Variants in OSBPL8 observed in about 807,000 individuals in gnomAD.
OSBPL8 encodes the protein oxysterol-binding protein-related protein 8.
Under a neutral mutation model 125.5 loss-of-function variants are expected in OSBPL8, and 59 were observed. That is an observed-to-expected ratio of 0.47 (90% CI 0.38 to 0.58). The LOEUF is 0.58. OSBPL8 is among the 20% of genes least tolerant of loss of function. The pLI, the probability that OSBPL8 is intolerant of heterozygous loss-of-function variation, is 0.00. For synonymous variants in OSBPL8, 330 were observed against 338.9 expected (o/e 0.97, Z 0.29); for missense variants, 758 against 1,047.8 (o/e 0.72, Z 3.82).
chr12:76,487,453 C>A, intron 2 of OSBPL8, 57 bp downstream of exon 2: 1 of 1,442,530 alleles, frequency 6.9e-7, no homozygotes, highest in Non-Finnish European at 9.4e-7. Context: ...CCCTAGCTTA[C>A]ATCAAACACT....
chr12:76,472,265 G>A (rs1045865553), intron 2 of OSBPL8, among the ~76,000 whole-genome samples: 1 of 152,054 alleles, frequency 6.6e-6, no homozygotes, highest in African/African-American at 2.4e-5. Context: ...ATGTAAAATT[G>A]GTCTTTAGTA....
rs571162694 is a variant in OSBPL8 at position 76,401,661 on chromosome 12, T to C, written c.366+1028A>G. ...GCCTATACTGCTTCTATAATATTTA[T>C]TAATATATTCTCTTACTGATAGAAA... On this transcript the variant is annotated intron_variant, in intron 6 of 23. Coordinates refer to ENST00000261183, the MANE Select transcript of OSBPL8 (RefSeq NM_020841.5). Among the ~76,000 whole-genome samples, 29 of 152,298 alleles carry C rather than the reference T, an allele frequency of 1.9e-4. 1 individual carries two copies. Among genetic ancestry groups the C allele is most frequent in the Admixed American group, 1.6e-3 (25 of 15,294 alleles).
intron 4 of OSBPL8, among the ~76,000 whole-genome samples, chr12:76,430,809 T>C (rs987004584): frequency 1.2e-4 from 19 of 152,152 alleles, no homozygotes; most frequent in African/African-American, 4.1e-4. Flanking sequence ...GTAAAGACTT[T>C]CCTAGACAAA....
chr12:76,421,636 T>C (rs993604940), intron 4 of OSBPL8, among the ~76,000 whole-genome samples: 40 of 152,086 alleles, frequency 2.6e-4, no homozygotes, highest in Non-Finnish European at 4.7e-4. Flanking sequence ...AGAAAAAATA[T>C]ATAAATACAA....
At position 76,531,572 on chromosome 12, in the gene OSBPL8, G is replaced by C. The variant is rs1592863905; in HGVS notation, c.-68+27825C>G. Among the ~76,000 whole-genome samples, 3 of 152,316 alleles carry C rather than the reference G, an allele frequency of 2.0e-5. 1 individual carries two copies. Among genetic ancestry groups the C allele is most frequent in the Admixed American group, 2.0e-4 (3 of 15,304 alleles). ...ACTGTGACAATATGTGAAGAGTACTGTGTATATACAAACAGGAAACAATTG... is the reference window on the plus strand; with the variant it reads ...ACTGTGACAATATGTGAAGAGTACTCTGTATATACAAACAGGAAACAATTG... On this transcript the variant is annotated intron_variant, in intron 1 of 23. Coordinates refer to ENST00000261183, the MANE Select transcript of OSBPL8 (RefSeq NM_020841.5).
At chr12:76,409,815 G>A (rs902763763) in intron 5 of OSBPL8, among the ~76,000 whole-genome samples, 6 of 152,150 alleles carry the variant, frequency 3.9e-5, no homozygotes, top group African/African-American at 1.4e-4. Context: ...TGGGTTGTAA[G>A]AGCAAGCCCA....
In OSBPL8 at chr12:76,355,838, C is replaced by T; in HGVS notation, c.*51G>A. 1 of 1,578,218 alleles carries T rather than the reference C, an allele frequency of 6.3e-7. No homozygotes were observed. Among genetic ancestry groups the T allele is most frequent in the Non-Finnish European group, 8.6e-7 (1 of 1,163,470 alleles). Reference sequence around the variant, plus strand: ...AGACCAAACCAACTTGAACACTGGTCCCAGGCCAAATCAGATCTTTCTAGT... The same window carrying T: ...AGACCAAACCAACTTGAACACTGGTTCCAGGCCAAATCAGATCTTTCTAGT... On this transcript the variant is annotated 3_prime_UTR_variant, in exon 24 of 24. Coordinates refer to ENST00000261183, the MANE Select transcript of OSBPL8 (RefSeq NM_020841.5).
At chr12:76,549,315 A>C (rs1437104101) in intron 1 of OSBPL8, among the ~76,000 whole-genome samples, 15 of 152,226 alleles carry the variant, frequency 9.9e-5, no homozygotes, top group Non-Finnish European at 1.9e-4. Flanking sequence ...TATACACCTC[A>C]TTATGACTTT....
intron 21 of OSBPL8, among the ~76,000 whole-genome samples, chr12:76,361,331 C>T (rs1333818096): frequency 1.3e-5 from 2 of 152,176 alleles, no homozygotes; most frequent in African/African-American, 4.8e-5. Context: ...CAACAAGTTC[C>T]TCATCTCCAT....
intron 12 of OSBPL8, 128 bp downstream of exon 12, chr12:76,389,517 G>T: frequency 2.9e-6 from 2 of 694,062 alleles, no homozygotes; most frequent in Non-Finnish European, 4.5e-6. Flanking sequence ...CACAGAAGTG[G>T]TAGAGAACAG....
At position 76,390,537 on chromosome 12, in the gene OSBPL8, A is replaced by G. The variant is rs1377125199; in HGVS notation, c.1050T>C (p.Ser350=). 1.9e-6 allele frequency: 3 copies of G among 1,613,624 alleles called. No homozygotes were observed. Among genetic ancestry groups the G allele is most frequent in the Non-Finnish European group, 2.5e-6 (3 of 1,179,838 alleles). Residue 350 remains serine (S), a synonymous_variant, in exon 11 of 24, where the codon AGT becomes AGC. Transcript: ENST00000261183. ...CTGATGTATCTGTGTCACTTTCTTC[A>G]CTTTTCCCCATCACCTCATTATCAG... ...DESDNEVMGK[S]EESDTDTSER...
chr12:76,431,760 G>A (rs1346338805), intron 4 of OSBPL8, among the ~76,000 whole-genome samples: 1 of 152,026 alleles, frequency 6.6e-6, no homozygotes, highest in Non-Finnish European at 1.5e-5. Context: ...AGCAAACATG[G>A]AGAGATATGA....
At chr12:76,427,427 T>C (rs1054632638) in intron 4 of OSBPL8, among the ~76,000 whole-genome samples, 4 of 152,110 alleles carry the variant, frequency 2.6e-5, no homozygotes, top group Middle Eastern at 6.9e-3. Flanking sequence ...TAACATTACA[T>C]TTCACATCTA....
chr12:76,426,698 T>A (rs967742706), intron 4 of OSBPL8, among the ~76,000 whole-genome samples: 1 of 152,148 alleles, frequency 6.6e-6, no homozygotes, highest in Non-Finnish European at 1.5e-5. Flanking sequence ...TCAGACTGCA[T>A]GAAACATTTC....
intron 21 of OSBPL8, among the ~76,000 whole-genome samples, chr12:76,366,872 C>G (rs1952435916): frequency 6.6e-6 from 1 of 152,176 alleles, no homozygotes; most frequent in South Asian, 2.1e-4. Context: ...TCTTGGCTCA[C>G]TACAACCTCC....
chr12:76,390,383 T>C (rs1286788269), intron 11 of OSBPL8, 37 bp downstream of exon 11: 14 of 1,411,202 alleles, frequency 9.9e-6, no homozygotes, highest in African/African-American at 1.4e-5. Flanking sequence ...CCCAAGAATA[T>C]GAAAATCCAG....
At chr12:76,393,771 C>T (rs1953670998) in intron 9 of OSBPL8, among the ~76,000 whole-genome samples, 1 of 150,040 alleles carries the variant, frequency 6.7e-6, no homozygotes, top group South Asian at 2.1e-4. Flanking sequence ...CGCCTGTAAC[C>T]CCAGCACTTT....
At chr12:76,448,119 A>C (rs1482410089) in intron 4 of OSBPL8, among the ~76,000 whole-genome samples, 1 of 152,210 alleles carries the variant, frequency 6.6e-6, no homozygotes. Flanking sequence ...TTAGAGACAC[A>C]TTAAGTATTT....
intron 1 of OSBPL8, among the ~76,000 whole-genome samples, chr12:76,489,848 C>T (rs571045886): frequency 6.6e-6 from 1 of 152,280 alleles, no homozygotes; most frequent in Admixed American, 6.5e-5. Flanking sequence ...TGGATCTGGG[C>T]AAAGTTTGAA....
Sources: allele counts gnomAD v4.1 joint callset (sites outside exome capture counted in the v4.1 genomes callset), GRCh38; gene constraint gnomAD v4.1.1; transcripts MANE v1.5; gene names NCBI Gene and HGNC (gene_info 2026-07-23, HGNC 2026-07-21).